FBXW2: variants seen among roughly 807,000 people sequenced by gnomAD.
The protein encoded by FBXW2 is F-box and WD repeat domain containing 2.
FBXW2 carries 12 observed loss-of-function variants against 46.0 expected under a neutral mutation model. The ratio of observed to expected loss-of-function variants is 0.26; its 90% confidence interval spans 0.17 to 0.42. The LOEUF is 0.42. Ranked by LOEUF, FBXW2 falls within the 10% of genes least tolerant of loss-of-function variation. FBXW2 has a pLI of 1.00. For synonymous variants in FBXW2, 203 were observed against 209.6 expected (o/e 0.97, Z 0.27); for missense variants, 360 against 537.0 (o/e 0.67, Z 3.26).
intron 5 of FBXW2, among the ~76,000 whole-genome samples, chr9:120,775,749 C>A (rs569525005): frequency 1.1e-4 from 16 of 152,168 alleles, no homozygotes; most frequent in African/African-American, 3.9e-4. Context: ...AAAAACACGC[C>A]CACAATCCCA....
rs190491086 is a variant in FBXW2 at position 120,789,153 on chromosome 9, T to C, written c.-20-875A>G. 5.3e-5 allele frequency among the ~76,000 whole-genome samples: 8 copies of C among 152,272 alleles called. No homozygotes were observed. In the East Asian group the frequency reaches 1.5e-3, roughly 29 times the overall value. On this transcript the variant is annotated intron_variant, in intron 2 of 7. Transcript: ENST00000608872. ...TGAGGAAACTACAGGTTAGAGAAGGTATGTGATTTGCCTATATTCACAGGG... is the reference window on the plus strand; with the variant it reads ...TGAGGAAACTACAGGTTAGAGAAGGCATGTGATTTGCCTATATTCACAGGG...
chr9:120,778,619 G>C, intron 3 of FBXW2, 74 bp from the exon 4 acceptor site: 1 of 1,317,288 alleles, frequency 7.6e-7, no homozygotes, highest in Non-Finnish European at 1.1e-6. Context: ...CAAAATCATG[G>C]TGTTCTTCAA....
intron 4 of FBXW2, 110 bp downstream of exon 4, chr9:120,778,241 G>T: frequency 2.2e-6 from 2 of 906,848 alleles, no homozygotes; most frequent in Non-Finnish European, 3.3e-6. Flanking sequence ...TAAGAAAGAG[G>T]GTTGAAAAAA....
At chr9:120,774,093 T>C (rs1156617234) in intron 5 of FBXW2, among the ~76,000 whole-genome samples, 1 of 152,078 alleles carries the variant, frequency 6.6e-6, no homozygotes, top group Non-Finnish European at 1.5e-5. Flanking sequence ...CTCAGCATTT[T>C]GGGAGGCCGA....
At chr9:120,779,051 C>T (rs1043892158) in intron 3 of FBXW2, among the ~76,000 whole-genome samples, 5 of 152,216 alleles carry the variant, frequency 3.3e-5, no homozygotes, top group Non-Finnish European at 7.3e-5. Flanking sequence ...CTAACTTCTG[C>T]AAAAGCTAAC....
chr9:120,788,886 G>A (rs2044775947), intron 2 of FBXW2, among the ~76,000 whole-genome samples: 1 of 152,150 alleles, frequency 6.6e-6, no homozygotes, highest in Admixed American at 6.5e-5. Flanking sequence ...TAAGTTATCT[G>A]CCTCAGGAAT....
chr9:120,779,245 T>G (rs1275043838), intron 3 of FBXW2, among the ~76,000 whole-genome samples: 1 of 152,254 alleles, frequency 6.6e-6, no homozygotes, highest in African/African-American at 2.4e-5. Context: ...TGGTGACAAT[T>G]CAGGACTTTG....
intron 7 of FBXW2, among the ~76,000 whole-genome samples, chr9:120,766,017 G>C (rs2044269795): frequency 6.6e-6 from 1 of 152,136 alleles, no homozygotes; most frequent in Non-Finnish European, 1.5e-5. Flanking sequence ...GTCCTCTTTG[G>C]AGGAACTAAG....
chr9:120,778,276 G>C, intron 4 of FBXW2, 75 bp downstream of exon 4: 1 of 1,191,120 alleles, frequency 8.4e-7, no homozygotes, highest in South Asian at 1.6e-5. Flanking sequence ...AAAAAAAAAA[G>C]CATTTCACAT....
chr9:120,763,511 A>C lies in FBXW2; in HGVS notation c.*1048T>G, dbSNP rs1564447304. The C allele has an allele frequency of 2.0e-5, 3 of 152,196 alleles. No individual in the cohort carries two copies. Among genetic ancestry groups the C allele is most frequent in the Admixed American group, 6.5e-5 (1 of 15,280 alleles). 9.4% of individuals were successfully genotyped at this position (152,196 alleles called of 1,614,324 possible). A position where few individuals can be genotyped will look rare whatever the true frequency, so the allele number is the denominator to read the frequency against. The stretch of plus-strand genomic sequence containing the variant: ...TCAGCATTTCTTCAACCAATTACTT[A>C]AACTGTCTAAGTGGAATCAGCTATA... On this transcript the variant is annotated 3_prime_UTR_variant, in exon 8 of 8. Transcript: ENST00000608872.
At chr9:120,783,162 T>G (rs1443379879) in intron 3 of FBXW2, among the ~76,000 whole-genome samples, 1 of 152,216 alleles carries the variant, frequency 6.6e-6, no homozygotes, top group Non-Finnish European at 1.5e-5. Context: ...GAAAACATTG[T>G]GCCAGTTTTA....
At position 120,759,069 on chromosome 9, in the gene FBXW2, C is replaced by T. The variant is rs564956827; in HGVS notation, c.*5490G>A. On this transcript the variant is annotated 3_prime_UTR_variant, in exon 8 of 8. Coordinates refer to ENST00000608872, the MANE Select transcript of FBXW2 (RefSeq NM_012164.4). ...CAGAAACAGTAAAAAAACAGAGCCA[C>T]CTCAGATCACTCAAGGGGTTGTTCT... 2 of 152,286 alleles carry T rather than the reference C, an allele frequency of 1.3e-5. No individual in the cohort carries two copies. The highest frequency in any genetic ancestry group is 4.8e-5 in the African/African-American group (2 of 41,568). 9.4% of individuals were successfully genotyped at this position (152,286 alleles called of 1,614,324 possible). A position where few individuals can be genotyped will look rare whatever the true frequency, so the allele number is the denominator to read the frequency against.
At chr9:120,776,373 G>T in intron 4 of FBXW2, 147 bp from the exon 5 acceptor site, 1 of 847,180 alleles carries the variant, frequency 1.2e-6, no homozygotes, top group African/African-American at 1.7e-5. Context: ...GCAATTTTCT[G>T]ATAAAACTAT....
chr9:120,782,954 A>G (rs2044647686), intron 3 of FBXW2, among the ~76,000 whole-genome samples: 2 of 152,200 alleles, frequency 1.3e-5, no homozygotes, highest in Admixed American at 1.3e-4. Flanking sequence ...TGTTTAACTG[A>G]TACCATTTTA....
Position 120,757,330 on chromosome 9 carries a change from T to C in FBXW2, c.*7229A>G, listed in dbSNP as rs918806557. ...CTATTCGACAAAACTGTGTGTTGTA[T>C]GCACTCTTCTGTACCTGTAACAGAA... On this transcript the variant is annotated 3_prime_UTR_variant, in exon 8 of 8. Transcript: ENST00000608872. 2.6e-5 allele frequency: 4 copies of C among 152,236 alleles called. No homozygotes were observed. Among genetic ancestry groups the C allele is most frequent in the East Asian group, 1.9e-4 (1 of 5,202 alleles). 9.4% of individuals were successfully genotyped at this position (152,236 alleles called of 1,614,324 possible).
rs888936014 is a variant in FBXW2 at position 120,776,575 on chromosome 9, T to C, written c.686-349A>G. 5.0e-5 allele frequency: 10 copies of C among 201,162 alleles called. No individual in the cohort carries two copies. The South Asian group carries it at 8.0e-4, about 16-fold the overall frequency. The allele number at this position is 201,162 out of a possible 1,614,324, so 12.5% of individuals were successfully genotyped here. A position where few individuals can be genotyped will look rare whatever the true frequency, so the allele number is the denominator to read the frequency against. On this transcript the variant is annotated intron_variant, in intron 4 of 7. Coordinates refer to ENST00000608872, the MANE Select transcript of FBXW2 (RefSeq NM_012164.4). ...TTTATGCAGGAAAACAAAACGTACATGGTCCTACTCTGATACACACTAACA... is the reference window on the plus strand; with the variant it reads ...TTTATGCAGGAAAACAAAACGTACACGGTCCTACTCTGATACACACTAACA...
At chr9:120,775,591 C>G (rs2044475456) in intron 5 of FBXW2, among the ~76,000 whole-genome samples, 1 of 152,258 alleles carries the variant, frequency 6.6e-6, no homozygotes, top group South Asian at 2.1e-4. Flanking sequence ...ATCCTCACAA[C>G]AATCTTGTTT....
chr9:120,784,727 C>T (rs2044683583), intron 3 of FBXW2, among the ~76,000 whole-genome samples: 1 of 151,964 alleles, frequency 6.6e-6, no homozygotes, highest in African/African-American at 2.4e-5. Flanking sequence ...TGAGACCAGC[C>T]TGACCAACAT....
At chr9:120,766,863 G>A (rs563930742) in intron 7 of FBXW2, among the ~76,000 whole-genome samples, 1 of 152,326 alleles carries the variant, frequency 6.6e-6, no homozygotes, top group East Asian at 1.9e-4. Flanking sequence ...CTAACATAAT[G>A]CAGGCCTAGC....
Sources: allele counts gnomAD v4.1 joint callset (sites outside exome capture counted in the v4.1 genomes callset), GRCh38; gene constraint gnomAD v4.1.1; transcripts MANE v1.5; gene names NCBI Gene and HGNC (gene_info 2026-07-23, HGNC 2026-07-21).